The following SCMH1 variants were observed in gnomAD, a reference collection of about 807,000 sequenced individuals.
The protein encoded by SCMH1 is polycomb protein SCMH1.
In SCMH1, 37 loss-of-function variants were observed where a neutral mutation model predicts 70.8. That is an observed-to-expected ratio of 0.52 (90% CI 0.40 to 0.69). SCMH1 has a LOEUF of 0.69. Ranked by LOEUF, SCMH1 falls within the 30% of genes least tolerant of loss-of-function variation. The probability of loss-of-function intolerance (pLI) is 0.00; values close to 1 mark genes in which losing one functional copy is unlikely to be tolerated. For missense variants in SCMH1, 607 were observed against 827.3 expected, an observed-to-expected ratio of 0.73 and a Z score of 3.27; for synonymous variants, 292 against 307.4, an observed-to-expected ratio of 0.95 and a Z score of 0.52.
chr1:41,179,039 C>T (rs865992878), intron 2 of SCMH1, among the ~76,000 whole-genome samples: 8 of 152,180 alleles, frequency 5.3e-5, no homozygotes, highest in Admixed American at 2.6e-4. Flanking sequence ...AACTGTCTCT[C>T]AGACCACAGT....
chr1:41,224,531 AG>A (rs1659903218), intron 1 of SCMH1, among the ~76,000 whole-genome samples: 1 of 152,340 alleles, frequency 6.6e-6, no homozygotes, highest in African/African-American at 2.4e-5. Context: ...AGGCTAGAAA[AG>A]GGTGTGATGC....
chr1:41,142,809 T>C (rs986164480), intron 6 of SCMH1, 69 bp downstream of exon 6: 9 of 1,333,148 alleles, frequency 6.8e-6, no homozygotes, highest in African/African-American at 1.4e-5. Context: ...TTTCCCATAA[T>C]AGGATGTTCA....
chr1:41,199,661 G>C (rs918466107), intron 1 of SCMH1, among the ~76,000 whole-genome samples: 1 of 151,504 alleles, frequency 6.6e-6, no homozygotes, highest in Non-Finnish European at 1.5e-5. Context: ...TTGTTTATAA[G>C]TGGGAGCTAA....
At chr1:41,165,466 G>A (rs1352903291) in intron 2 of SCMH1, among the ~76,000 whole-genome samples, 1 of 152,012 alleles carries the variant, frequency 6.6e-6, no homozygotes, top group African/African-American at 2.4e-5. Flanking sequence ...CCTCCATCCT[G>A]TTTTTCAAAA....
intron 6 of SCMH1, among the ~76,000 whole-genome samples, chr1:41,122,264 G>T (rs186757387): frequency 8.4e-4 from 127 of 152,058 alleles, no homozygotes; most frequent in Non-Finnish European, 1.3e-3. Flanking sequence ...CCTATTCATT[G>T]GTCTTTCTGT....
intron 4 of SCMH1, among the ~76,000 whole-genome samples, chr1:41,156,571 T>A (rs1645568031): frequency 6.6e-6 from 1 of 152,108 alleles, no homozygotes; most frequent in African/African-American, 2.4e-5. Context: ...CCCTAGTAGC[T>A]GGGACTACAG....
Position 41,218,230 on chromosome 1 carries a change from C to T in SCMH1, c.-118+23829G>A, listed in dbSNP as rs146056540. Among the ~76,000 whole-genome samples the T allele has an allele frequency of 2.6e-5, 4 of 152,054 alleles. No individual in the cohort carries two copies. In the East Asian group the frequency reaches 7.7e-4, roughly 29 times the overall value. On this transcript the variant is annotated intron_variant, in intron 1 of 14. Transcript: ENST00000337495. ...TGAGAAGAACATAAATTTTAGGGGGCCAGAATTGTGAACTGTGTTAAATTG... is the reference window on the plus strand; with the variant it reads ...TGAGAAGAACATAAATTTTAGGGGGTCAGAATTGTGAACTGTGTTAAATTG...
intron 10 of SCMH1, among the ~76,000 whole-genome samples, chr1:41,068,468 C>T (rs1324413630): frequency 2.6e-5 from 4 of 152,118 alleles, no homozygotes; most frequent in Admixed American, 6.5e-5. Flanking sequence ...TGCACTGGTA[C>T]GATCTTGGCT....
chr1:41,110,919 CCAGTTTTTCCACATTCT>C, intron 8 of SCMH1, among the ~76,000 whole-genome samples: 1 of 152,298 alleles, frequency 6.6e-6, no homozygotes, highest in Middle Eastern at 3.4e-3. Flanking sequence ...ATCGAGAATT[CCAGTTTTTCCACATTCT>C]CAGCAACATT....
chr1:41,105,809 T>C (rs937755098), intron 8 of SCMH1, among the ~76,000 whole-genome samples: 1 of 152,158 alleles, frequency 6.6e-6, no homozygotes, highest in Non-Finnish European at 1.5e-5. Flanking sequence ...CCTTTCATTG[T>C]TGCCAAAATG....
intron 1 of SCMH1, among the ~76,000 whole-genome samples, chr1:41,239,955 G>A (rs1285086431): frequency 6.6e-6 from 1 of 151,990 alleles, no homozygotes; most frequent in African/African-American, 2.4e-5. Flanking sequence ...ATTTTCAGTG[G>A]GATATTCACA....
chr1:41,093,136 A>G (rs1016310292), intron 8 of SCMH1, among the ~76,000 whole-genome samples: 1 of 152,030 alleles, frequency 6.6e-6, no homozygotes, highest in Non-Finnish European at 1.5e-5. Flanking sequence ...ATGTCCATCA[A>G]TGATAGACTG....
chr1:41,081,658 A>T (rs1023897450), intron 8 of SCMH1, among the ~76,000 whole-genome samples: 1 of 152,082 alleles, frequency 6.6e-6, no homozygotes, highest in African/African-American at 2.4e-5. Flanking sequence ...CTCTACAAAA[A>T]TTTTTTAAAA....
At chr1:41,080,815 C>T (rs1250693659) in intron 8 of SCMH1, among the ~76,000 whole-genome samples, 1 of 152,056 alleles carries the variant, frequency 6.6e-6, no homozygotes, top group Non-Finnish European at 1.5e-5. Flanking sequence ...CAACAGCATT[C>T]TTAATGGTGA....
At chr1:41,050,957 T>G (rs1267805989) in intron 10 of SCMH1, among the ~76,000 whole-genome samples, 2 of 151,928 alleles carry the variant, frequency 1.3e-5, no homozygotes, top group Non-Finnish European at 2.9e-5. Flanking sequence ...AATGCAGGAA[T>G]CCAGAGAGAT....
chr1:41,183,201 C>A (rs1314460357), intron 2 of SCMH1, among the ~76,000 whole-genome samples: 1 of 152,120 alleles, frequency 6.6e-6, no homozygotes, highest in Non-Finnish European at 1.5e-5. Flanking sequence ...TCTCCCCTGC[C>A]CCATTCAGAG....
chr1:41,057,265 G>T (rs996191367), intron 10 of SCMH1, among the ~76,000 whole-genome samples: 12 of 151,902 alleles, frequency 7.9e-5, no homozygotes, highest in Middle Eastern at 3.4e-3. Flanking sequence ...TTGTTTTTTT[G>T]TTTGTTTGTT....
intron 12 of SCMH1, 141 bp downstream of exon 12, chr1:41,046,266 G>A (rs754678784): frequency 2.6e-5 from 17 of 648,956 alleles, no homozygotes; most frequent in Admixed American, 1.2e-4. Flanking sequence ...TCTCAGATAT[G>A]GCAAAGGTAA....
intron 2 of SCMH1, chr1:41,162,741 T>G (rs975851254): frequency 6.6e-6 from 1 of 152,160 alleles, no homozygotes; most frequent in African/African-American, 2.4e-5. Flanking sequence ...CCACCCTCTC[T>G]GCTGAGAAGT....
Sources: gnomAD v4.1 joint callset for allele counts (sites outside exome capture counted in the v4.1 genomes callset) on GRCh38, gnomAD v4.1.1 for gene constraint, MANE v1.5 for transcripts, NCBI Gene and HGNC (gene_info 2026-07-23, HGNC 2026-07-21) for gene names.